Variants in TLK1 observed in about 807,000 individuals in gnomAD.
The protein encoded by TLK1 is serine/threonine-protein kinase tousled-like 1.
Under a neutral mutation model 105.3 loss-of-function variants are expected in TLK1, and 24 were observed. The observed-to-expected ratio is 0.23, with a 90% CI of 0.17 to 0.32. TLK1 has a LOEUF of 0.32. Among genes scored for constraint, TLK1 ranks in the 10% least tolerant of loss-of-function variants. TLK1 has a pLI of 1.00. For missense variants in TLK1, 558 were observed against 910.5 expected, an observed-to-expected ratio of 0.61 and a Z score of 4.98; for synonymous variants, 321 against 310.4, an observed-to-expected ratio of 1.03 and a Z score of -0.36.
chr2:171,192,521 T>TA (rs886265306), intron 1 of TLK1, among the ~76,000 whole-genome samples: 8 of 150,298 alleles, frequency 5.3e-5, no homozygotes, highest in East Asian at 2.0e-4. Context: ...CTACTAAAAA[T>TA]AAAAAAAAAT....
rs1212009112 is a variant in TLK1 at position 171,053,762 on chromosome 2, C to T, written c.731G>A (p.Arg244Lys). The change falls in exon 8 of 21, where the codon AGG becomes AAG. Residue 244 changes from arginine to lysine, a missense_variant and splice_region_variant. Physicochemically the swap from Arg to Lys is conservative, Grantham distance 26. Around this residue, in one of 5 missense-constraint regions of TLK1, gnomAD observed 196 missense variants for 239.3 expected, o/e 0.82. Transcript: ENST00000431350. ...KKEGRIDDLLRANCDLRRQID... is the reference protein window; with the variant it reads ...KKEGRIDDLLKANCDLRRQID... ...TCCCCTCTATGACTCATTACTTACC[C>T]TGAGCAAATCATCTATACGTCCCTC... 6.2e-7 allele frequency: 1 copy of T among 1,601,322 alleles called. No individual in the cohort carries two copies. Among genetic ancestry groups the T allele is most frequent in the South Asian group, 1.1e-5 (1 of 89,008 alleles).
Position 171,011,461 on chromosome 2 carries a change from G to T in TLK1, c.1335-7C>A, listed in dbSNP as rs1436754433. The stretch of plus-strand genomic sequence containing the variant: ...TGTTGGGTGATCTTTGAACCTTAGA[G>T]GTGGGGGCAAAAAACAGACATATTA... On this transcript the variant is annotated splice_region_variant and splice_polypyrimidine_tract_variant and intron_variant, in intron 13 of 20. Coordinates refer to ENST00000431350, the MANE Select transcript of TLK1 (RefSeq NM_012290.5). 1 of 1,606,632 alleles carries T rather than the reference G, an allele frequency of 6.2e-7. No individual in the cohort carries two copies. Among genetic ancestry groups the T allele is most frequent in the Admixed American group, 1.7e-5 (1 of 58,446 alleles).
At position 171,160,149 on chromosome 2, in the gene TLK1, G is replaced by A. The variant is rs1008309525; in HGVS notation, c.139+141C>T. On this transcript the variant is annotated intron_variant, in intron 1 of 20. Transcript: ENST00000431350. The surrounding 1 kb of genome is among the most constrained non-coding windows in gnomAD (Gnocchi z 4.4). The stretch of plus-strand genomic sequence containing the variant: ...CTCCCCAGAGCCGGGGAGCCGGGCG[G>A]CCTCGCGTCCACCTCGCCACCATCC... The A allele has an allele frequency of 1.2e-4, 112 of 954,918 alleles. No individual in the cohort carries two copies. The highest frequency in any genetic ancestry group is 1.4e-4 in the Non-Finnish European group (104 of 737,292). 59.2% of individuals were successfully genotyped at this position (954,918 alleles called of 1,614,324 possible). A position where few individuals can be genotyped will look rare whatever the true frequency, so the allele number is the denominator to read the frequency against.
chr2:171,175,864 C>G (rs1692811736), intron 1 of TLK1, among the ~76,000 whole-genome samples: 1 of 152,092 alleles, frequency 6.6e-6, no homozygotes, highest in African/African-American at 2.4e-5. Flanking sequence ...AAAGAAATAC[C>G]AAATCCAGGC....
At chr2:171,135,317 G>GTGTA (rs1558961474) in intron 1 of TLK1, among the ~76,000 whole-genome samples, 1 of 53,392 alleles carries the variant, frequency 1.9e-5, no homozygotes, top group Non-Finnish European at 3.7e-5. Context: ...GTGTGTGTGT[G>GTGTA]TGTATATATA....
intron 14 of TLK1, among the ~76,000 whole-genome samples, chr2:171,007,966 CATTAAA>C (rs1223408673): frequency 1.3e-5 from 2 of 152,002 alleles, no homozygotes; most frequent in African/African-American, 4.8e-5. Context: ...CAATGAATAC[CATTAAA>C]GAGACATTTA....
At chr2:171,194,543 C>T (rs574654091) in intron 1 of TLK1, among the ~76,000 whole-genome samples, 5 of 152,186 alleles carry the variant, frequency 3.3e-5, no homozygotes, top group African/African-American at 9.6e-5. Context: ...GTGGGCTGGG[C>T]GCGGTGGCTC....
At position 171,007,159 on chromosome 2, in the gene TLK1, A is replaced by T. The variant is rs1180580109; in HGVS notation, c.1417-96T>A. The T allele has an allele frequency of 8.9e-6, 8 of 903,530 alleles. No individual in the cohort carries two copies. In the East Asian group the frequency reaches 1.8e-4, roughly 20 times the overall value. The allele number at this position is 903,530 out of a possible 1,614,324, so 56.0% of individuals were successfully genotyped here. On this transcript the variant is annotated intron_variant, in intron 14 of 20. Coordinates refer to ENST00000431350, the MANE Select transcript of TLK1 (RefSeq NM_012290.5). ...GGTGATAATTTTTGCAATAATATGG[A>T]ATTAGGACAAACCCTACAATTATTA...
intron 2 of TLK1, among the ~76,000 whole-genome samples, chr2:171,108,602 T>TA (rs1461562988): frequency 6.6e-6 from 1 of 151,832 alleles, no homozygotes; most frequent in Non-Finnish European, 1.5e-5. Flanking sequence ...GAAATGCATT[T>TA]AATTTTTTTT....
intron 18 of TLK1, among the ~76,000 whole-genome samples, chr2:170,999,361 A>G (rs1049421457): frequency 6.6e-6 from 1 of 152,234 alleles, no homozygotes; most frequent in Non-Finnish European, 1.5e-5. Context: ...ACTCATTTGT[A>G]ATGCAGTAAA....
intron 11 of TLK1, among the ~76,000 whole-genome samples, chr2:171,031,236 T>C (rs1461218701): frequency 2.0e-5 from 3 of 152,284 alleles, no homozygotes; most frequent in South Asian, 2.1e-4. Context: ...ACCTGACACA[T>C]TGTAGCTTCT....
At chr2:170,995,106 CTTTT>C (rs1346973548) in intron 20 of TLK1, among the ~76,000 whole-genome samples, 1 of 151,990 alleles carries the variant, frequency 6.6e-6, no homozygotes, top group Non-Finnish European at 1.5e-5. Context: ...GAGGACTTAT[CTTTT>C]TTATCTTTAA....
rs1471571710 is a variant in TLK1, at chr2:171,160,215, G to T, written c.139+75C>A. ...GGCGGAGAAGCCCCGGGGCGGGGGG[G>T]GCGGGGGGGGGGCGCGGGGGTCCGC... On this transcript the variant is annotated intron_variant, in intron 1 of 20. Transcript: ENST00000431350. This position sits in a 1 kb window ranked among gnomAD's most constrained non-coding sequence, Gnocchi z 4.4. 1.6e-6 allele frequency: 2 copies of T among 1,260,570 alleles called. No homozygotes were observed. Among genetic ancestry groups the T allele is most frequent in the Non-Finnish European group, 2.0e-6 (2 of 995,954 alleles). The allele number at this position is 1,260,570 out of a possible 1,614,324, so 78.1% of individuals were successfully genotyped here.
At chr2:171,005,504 G>A (rs990988031) in intron 18 of TLK1, among the ~76,000 whole-genome samples, 5 of 152,158 alleles carry the variant, frequency 3.3e-5, no homozygotes, top group African/African-American at 9.7e-5. Context: ...CAAGCACTTT[G>A]GGAGAGGCAG....
chr2:171,142,184 G>T (rs1352212639), intron 1 of TLK1, among the ~76,000 whole-genome samples: 1 of 151,428 alleles, frequency 6.6e-6, no homozygotes, highest in Non-Finnish European at 1.5e-5. Context: ...AAGTTGGGGG[G>T]TGGGGGGTAT....
intron 1 of TLK1, among the ~76,000 whole-genome samples, chr2:171,123,088 T>C (rs1183113928): frequency 9.7e-6 from 1 of 103,210 alleles, no homozygotes; most frequent in Non-Finnish European, 1.9e-5. Context: ...ACACACACAC[T>C]TCTTTTTTTA....
At chr2:171,023,270 T>C in intron 12 of TLK1, 1 of 451,844 alleles carries the variant, frequency 2.2e-6, no homozygotes, top group Non-Finnish European at 4.5e-6. Flanking sequence ...ATTGTTTAGC[T>C]GATTCCTTCG....
chr2:171,113,342 C>T (rs1038211907), intron 2 of TLK1, among the ~76,000 whole-genome samples: 5 of 151,638 alleles, frequency 3.3e-5, no homozygotes, highest in African/African-American at 9.7e-5. Context: ...ACAATCTCGG[C>T]TCACTGCAAC....
At chr2:171,213,156 T>C (rs578141719) in intron 1 of TLK1, among the ~76,000 whole-genome samples, 4 of 152,150 alleles carry the variant, frequency 2.6e-5, no homozygotes, top group East Asian at 1.9e-4. Context: ...CTGGCTCCGC[T>C]AGACTACAGG....
Sources: gnomAD v4.1 joint callset for allele counts (sites outside exome capture counted in the v4.1 genomes callset) on GRCh38, gnomAD v4.1.1 for gene constraint, gnomAD v4.1.1 regional missense constraint, Gnocchi (gnomAD v3.1) non-coding constraint, MANE v1.5 for transcripts, NCBI Gene and HGNC (gene_info 2026-07-23, HGNC 2026-07-21) for gene names.